Variants in RPS6KA2 observed in about 807,000 individuals in gnomAD.
The protein encoded by RPS6KA2 is ribosomal protein S6 kinase alpha-2.
A neutral mutation model predicts 91.8 loss-of-function variants in RPS6KA2; 42 were observed. That is an observed-to-expected ratio of 0.46 (90% CI 0.36 to 0.59). The LOEUF (loss-of-function observed/expected upper bound fraction) is 0.59. Among genes scored for constraint, RPS6KA2 ranks in the 20% least tolerant of loss-of-function variants. RPS6KA2 has a pLI of 0.00. For missense variants in RPS6KA2, 798 were observed against 978.5 expected (o/e 0.82, Z 2.46); for synonymous variants, 414 against 393.6 (o/e 1.05, Z -0.61).
At position 166,767,810 on chromosome 6, in the gene RPS6KA2, CACACA is replaced by C. The variant is rs1421798753; in HGVS notation, c.123+90385_123+90389del. On this transcript the variant is annotated intron_variant, in intron 2 of 21. Transcript: ENST00000503859. The surrounding 1 kb of genome is among the most constrained non-coding windows in gnomAD (Gnocchi z 4.6). ...ACACACACACACACACACACACACA[CACACA>C]CCCTGGTGTCAGGCAGCCGGCCACC... 1.4e-5 allele frequency among the ~76,000 whole-genome samples: 2 copies of C among 140,132 alleles called. No homozygotes were observed. Among genetic ancestry groups the C allele is most frequent in the African/African-American group, 5.3e-5 (2 of 37,416 alleles). 91.9% of individuals were successfully genotyped at this position (140,132 alleles called of 152,430 possible).
intron 2 of RPS6KA2, among the ~76,000 whole-genome samples, chr6:166,532,556 G>T (rs1013577195): frequency 3.9e-5 from 6 of 152,170 alleles, no homozygotes; most frequent in African/African-American, 1.4e-4. Context: ...CTGCTGCCCT[G>T]CCATCTGTCC....
Position 166,635,821 on chromosome 6 carries a change from C to A in RPS6KA2, c.124-97037G>T, listed in dbSNP as rs1289403084. Among the ~76,000 whole-genome samples, 1 of 151,872 alleles carries A rather than the reference C, an allele frequency of 6.6e-6. No individual in the cohort carries two copies. Among genetic ancestry groups the A allele is most frequent in the Non-Finnish European group, 1.5e-5 (1 of 67,950 alleles). On this transcript the variant is annotated intron_variant, in intron 2 of 21. Transcript: ENST00000503859. The surrounding 1 kb of genome is among the most constrained non-coding windows in gnomAD (Gnocchi z 4.8). ...ACCCTGGGGAGAAGGCTGCATCCAC[C>A]CCAGGAGGGTGACCTGGGTGTGTCC... is the stretch of plus-strand genomic sequence containing the variant.
At chr6:166,664,585 G>A (rs1788262894) in intron 2 of RPS6KA2, among the ~76,000 whole-genome samples, 1 of 152,146 alleles carries the variant, frequency 6.6e-6, no homozygotes, top group South Asian at 2.1e-4. Flanking sequence ...TTTACATGTT[G>A]TTTCTTGTAA....
upstream of RPS6KA2, among the ~76,000 whole-genome samples, chr6:166,628,254 GC>G (rs1269784634): frequency 6.6e-6 from 1 of 152,198 alleles, no homozygotes; most frequent in East Asian, 1.9e-4. Flanking sequence ...CTGCAGCAGG[GC>G]CGAGAATGCG....
rs747912499 is a variant in RPS6KA2, at chr6:166,411,270, C to T, written c.*1492G>A. On this transcript the variant is annotated 3_prime_UTR_variant, in exon 21 of 21. Transcript: ENST00000265678. The surrounding 1 kb of genome is among the most constrained non-coding windows in gnomAD (Gnocchi z 4.5). ...AATCGAGATGGAGGGGGAACAAAAC[C>T]CAACAAAATAACATCTTCTTAGGGA... The T allele has an allele frequency of 6.6e-6, 1 of 151,788 alleles. No homozygotes were observed. The highest frequency in any genetic ancestry group is 1.5e-5 in the Non-Finnish European group (1 of 67,950). 9.4% of individuals were successfully genotyped at this position (151,788 alleles called of 1,614,324 possible).
At chr6:166,501,757 T>C (rs1000314776) in intron 6 of RPS6KA2, among the ~76,000 whole-genome samples, 2 of 152,222 alleles carry the variant, frequency 1.3e-5, no homozygotes, top group African/African-American at 4.8e-5. Context: ...TTTATTTGGC[T>C]GTAATTAAAT....
rs559082371 is a variant in RPS6KA2, at chr6:166,690,463, C to A, written c.124-151679G>T. On this transcript the variant is annotated intron_variant, in intron 2 of 21. Coordinates refer to the RPS6KA2 transcript ENST00000503859. ...AAGATCAGACAGTCTGAGCCACCTGCGTGGCTAGAATTATGTCTCAAGGTG... is the reference window on the plus strand; with the variant it reads ...AAGATCAGACAGTCTGAGCCACCTGAGTGGCTAGAATTATGTCTCAAGGTG... 3.3e-5 allele frequency among the ~76,000 whole-genome samples: 5 copies of A among 152,332 alleles called. No homozygotes were observed. In the South Asian group the frequency reaches 8.3e-4, roughly 25 times the overall value.
At chr6:166,497,500 C>G (rs11752984) in intron 8 of RPS6KA2, among the ~76,000 whole-genome samples, 21,330 of 152,272 alleles carry the variant, frequency 0.14, 3,118 homozygotes, top group African/African-American at 0.38. Context: ...CTGCCCCTCG[C>G]GGAGAGGTGA....
At chr6:166,699,288 G>A (rs1409586381) in intron 2 of RPS6KA2, among the ~76,000 whole-genome samples, 3 of 152,164 alleles carry the variant, frequency 2.0e-5, no homozygotes, top group African/African-American at 7.2e-5. Context: ...GATCACAAAG[G>A]AAGTGGGTTC....
intron 8 of RPS6KA2, among the ~76,000 whole-genome samples, chr6:166,492,709 C>T (rs1241872454): frequency 2.9e-5 from 4 of 137,934 alleles, no homozygotes; most frequent in African/African-American, 5.4e-5. Context: ...TTGGTGATTT[C>T]TTTTTCTTTT....
intron 2 of RPS6KA2, among the ~76,000 whole-genome samples, chr6:166,717,566 T>G (rs1017636070): frequency 2.6e-4 from 39 of 152,184 alleles, no homozygotes; most frequent in Non-Finnish European, 4.0e-4. Context: ...AGCAGACCAC[T>G]GGCAGTGACA....
chr6:166,409,996 G>A lies in RPS6KA2; in HGVS notation c.*2766C>T, dbSNP rs1394236465. On this transcript the variant is annotated 3_prime_UTR_variant, in exon 21 of 21. Coordinates refer to ENST00000265678, the MANE Select transcript of RPS6KA2 (RefSeq NM_021135.6). ...TCTTGCCCATGTTTGACTTTGGGAT[G>A]GAATTCAGCAAAGCTCTCCCACTGC... The A allele has an allele frequency of 6.6e-6, 1 of 152,226 alleles. No individual in the cohort carries two copies. The highest frequency in any genetic ancestry group is 2.4e-5 in the African/African-American group (1 of 41,460). 9.4% of individuals were successfully genotyped at this position (152,226 alleles called of 1,614,324 possible).
intron 2 of RPS6KA2, among the ~76,000 whole-genome samples, chr6:166,845,529 G>A (rs1218438735): frequency 6.6e-6 from 1 of 152,096 alleles, no homozygotes; most frequent in African/African-American, 2.4e-5. Flanking sequence ...GACCACAGTG[G>A]AATAAAATAG....
At chr6:166,473,405 T>C (rs1780845199) in intron 10 of RPS6KA2, among the ~76,000 whole-genome samples, 1 of 152,186 alleles carries the variant, frequency 6.6e-6, no homozygotes, top group Non-Finnish European at 1.5e-5. Context: ...TTGCCCAGGC[T>C]GGTGTCAAAC....
intron 2 of RPS6KA2, among the ~76,000 whole-genome samples, chr6:166,679,080 T>A (rs1443235560): frequency 2.6e-5 from 4 of 152,178 alleles, no homozygotes; most frequent in African/African-American, 9.7e-5. Flanking sequence ...CAGAACTAAA[T>A]AGTAAGTTTG....
At chr6:166,456,982 C>T (rs1297830394) in intron 12 of RPS6KA2, among the ~76,000 whole-genome samples, 1 of 152,206 alleles carries the variant, frequency 6.6e-6, no homozygotes, top group East Asian at 1.9e-4. Flanking sequence ...GTTCCACTGG[C>T]CAACTAGGTT....
At chr6:166,748,645 TGGGCCCCCACCTCCTCAGGCCCCCATCTC>T (rs1791128079) in intron 2 of RPS6KA2, among the ~76,000 whole-genome samples, 2 of 18,400 alleles carry the variant, frequency 1.1e-4, no homozygotes, top group Non-Finnish European at 1.8e-4. Flanking sequence ...CCCATCCCCT[TGGGCCCCCACCTCCTCAGGCCCCCATCTC>T]CTCGGTCCCC....
rs1779752150 is a variant in RPS6KA2 at position 166,448,605 on chromosome 6, A to T, written c.1332+119T>A. The T allele has an allele frequency of 7.7e-7, 1 of 1,299,824 alleles. No homozygotes were observed. The highest frequency in any genetic ancestry group is 2.2e-5 in the Admixed American group (1 of 45,248). 80.5% of individuals were successfully genotyped at this position (1,299,824 alleles called of 1,614,324 possible). A position where few individuals can be genotyped will look rare whatever the true frequency, so the allele number is the denominator to read the frequency against. On this transcript the variant is annotated intron_variant, in intron 14 of 20. Coordinates refer to ENST00000265678, the MANE Select transcript of RPS6KA2 (RefSeq NM_021135.6). The surrounding 1 kb of genome is among the most constrained non-coding windows in gnomAD (Gnocchi z 4.7). ...GCTCCCATGTGCTGTACATGCTCCC[A>T]CACGCTGCACTCACACAGGGCCCTG...
At chr6:166,854,782 T>A (rs181235010) in intron 2 of RPS6KA2, among the ~76,000 whole-genome samples, 53 of 152,312 alleles carry the variant, frequency 3.5e-4, no homozygotes, top group African/African-American at 1.2e-3. Flanking sequence ...AAAAGACATA[T>A]GAAAACTTTT....
Sources: gnomAD v4.1 joint callset for allele counts (sites outside exome capture counted in the v4.1 genomes callset) on GRCh38, gnomAD v4.1.1 for gene constraint, Gnocchi (gnomAD v3.1) non-coding constraint, MANE v1.5 for transcripts, NCBI Gene and HGNC (gene_info 2026-07-23, HGNC 2026-07-21) for gene names.